MSRA: variants seen among roughly 807,000 people sequenced by gnomAD.
MSRA encodes the protein methionine sulfoxide reductase A.
In MSRA, 54 loss-of-function variants were observed where a neutral mutation model predicts 31.3. That is an observed-to-expected ratio of 1.73 (90% CI 1.39 to 2.17). The LOEUF (loss-of-function observed/expected upper bound fraction) is 2.17. Among genes scored for constraint, MSRA ranks in the 30% most tolerant of loss-of-function variants. MSRA has a pLI of 0.00. For missense variants in MSRA, 507 were observed against 300.9 expected (o/e 1.69, Z -5.07); for synonymous variants, 169 against 116.5 (o/e 1.45, Z -2.90).
chr8:10,336,625 C>T (rs1803062780), intron 5 of MSRA, among the ~76,000 whole-genome samples: 1 of 152,044 alleles, frequency 6.6e-6, no homozygotes, highest in Non-Finnish European at 1.5e-5. Flanking sequence ...CATGAGTAGC[C>T]CTTACTGAGA....
rs534751486 is a variant in MSRA at position 10,401,176 on chromosome 8, A to T, written c.544-26972A>T. Among the ~76,000 whole-genome samples the T allele has an allele frequency of 2.6e-5, 4 of 152,248 alleles. No homozygotes were observed. The South Asian group carries it at 8.3e-4, about 31-fold the overall frequency. On this transcript the variant is annotated intron_variant, in intron 5 of 5. Transcript: ENST00000317173. ...TATCTGATAAGGGATTAATGTCCAG[A>T]AAATATTTTTAAAACCCATACAACT...
At chr8:10,251,293 C>G (rs981036493) in intron 3 of MSRA, among the ~76,000 whole-genome samples, 3 of 151,994 alleles carry the variant, frequency 2.0e-5, no homozygotes, top group African/African-American at 7.2e-5. Flanking sequence ...TGAATGATCC[C>G]ATTCTTCAGA....
chr8:10,060,863 A>G (rs1802676811), intron 1 of MSRA, among the ~76,000 whole-genome samples: 1 of 152,180 alleles, frequency 6.6e-6, no homozygotes, highest in Admixed American at 6.5e-5. Flanking sequence ...TTTGAGGACA[A>G]ATTCCTTCCA....
chr8:10,302,747 C>A lies in MSRA; in HGVS notation c.436+1109C>A, dbSNP rs368773094. Among the ~76,000 whole-genome samples the A allele has an allele frequency of 2.0e-3, 311 of 152,156 alleles. 1 individual carries two copies. The highest frequency in any genetic ancestry group is 7.1e-3 in the African/African-American group (295 of 41,512). ...GCAGATGGCGGCCTAGAGGTCTGGGCCTAGGAAGGAGGCCGGGGGCACGAT... is the reference window on the plus strand; with the variant it reads ...GCAGATGGCGGCCTAGAGGTCTGGGACTAGGAAGGAGGCCGGGGGCACGAT... On this transcript the variant is annotated intron_variant, in intron 4 of 5. Transcript: ENST00000317173.
At chr8:10,394,211 T>G (rs1470895969) in intron 5 of MSRA, among the ~76,000 whole-genome samples, 1 of 152,224 alleles carries the variant, frequency 6.6e-6, no homozygotes, top group African/African-American at 2.4e-5. Flanking sequence ...TTCAATGTTT[T>G]TATTGTAGCG....
At chr8:10,072,758 C>T (rs764363805) in intron 1 of MSRA, among the ~76,000 whole-genome samples, 3 of 152,170 alleles carry the variant, frequency 2.0e-5, no homozygotes, top group African/African-American at 7.2e-5. Context: ...ATTTAAGTTG[C>T]CTTCAACTTC....
intron 5 of MSRA, among the ~76,000 whole-genome samples, chr8:10,325,860 A>G (rs1305669683): frequency 1.3e-5 from 2 of 152,216 alleles, no homozygotes; most frequent in Non-Finnish European, 2.9e-5. Flanking sequence ...ATCTAGGGTA[A>G]GCTTGAACAA....
intron 5 of MSRA, among the ~76,000 whole-genome samples, chr8:10,327,054 C>T (rs1157615995): frequency 6.6e-6 from 1 of 152,164 alleles, no homozygotes; most frequent in Admixed American, 6.5e-5. Context: ...TTCAAGAAAG[C>T]ACAATGCTTT....
intron 1 of MSRA, among the ~76,000 whole-genome samples, chr8:10,172,117 G>C (rs1467306737): frequency 6.6e-6 from 1 of 152,218 alleles, no homozygotes. Context: ...GGAATGGCAG[G>C]GTGGCAGAAC....
At chr8:10,095,445 T>G in intron 1 of MSRA, 1 of 984,564 alleles carries the variant, frequency 1.0e-6, no homozygotes, top group African/African-American at 1.7e-5. Context: ...TTCAAATGTA[T>G]TAATTGATCC....
intron 5 of MSRA, among the ~76,000 whole-genome samples, chr8:10,369,578 G>T (rs188161007): frequency 1.3e-5 from 2 of 152,254 alleles, no homozygotes; most frequent in East Asian, 1.9e-4. Flanking sequence ...TCCCATCAGA[G>T]ATTAAGAAAA....
At chr8:10,083,847 A>T (rs1798413050) in intron 1 of MSRA, among the ~76,000 whole-genome samples, 1 of 152,190 alleles carries the variant, frequency 6.6e-6, no homozygotes. Context: ...TAGCATTTAA[A>T]TGTATTGCTT....
At chr8:10,394,150 C>T (rs764490112) in intron 5 of MSRA, among the ~76,000 whole-genome samples, 3 of 152,194 alleles carry the variant, frequency 2.0e-5, no homozygotes, top group Non-Finnish European at 2.9e-5. Flanking sequence ...CTTCGACGTC[C>T]TCATTGTGAT....
At chr8:10,113,314 TGGAGGTG>T (rs1563109881) in intron 1 of MSRA, among the ~76,000 whole-genome samples, 164 of 125,040 alleles carry the variant, frequency 1.3e-3, no homozygotes, top group African/African-American at 2.5e-3. Context: ...TTTTTTTTTT[TGGAGGTG>T]TGTGTTTAAA....
At position 10,101,486 on chromosome 8, in the gene MSRA, C is replaced by G. The variant is rs570223379; in HGVS notation, c.142+46828C>G. The stretch of plus-strand genomic sequence containing the variant: ...CATCAAGCCACAGAAGTCTTTTCAT[C>G]TTGCAAAACCAAAATTCTGTACCCA... On this transcript the variant is annotated intron_variant, in intron 1 of 5. Coordinates refer to ENST00000317173, the MANE Select transcript of MSRA (RefSeq NM_012331.5). Among the ~76,000 whole-genome samples, 8 of 152,226 alleles carry G rather than the reference C, an allele frequency of 5.3e-5. No homozygotes were observed. The South Asian group carries it at 1.4e-3, about 28-fold the overall frequency.
At position 10,356,898 on chromosome 8, in the gene MSRA, A is replaced by G. The variant is rs562830982; in HGVS notation, c.543+36909A>G. Among the ~76,000 whole-genome samples, 202 of 127,416 alleles carry G rather than the reference A, an allele frequency of 1.6e-3. 1 individual carries two copies. The highest frequency in any genetic ancestry group is 5.4e-3 in the African/African-American group (195 of 35,984). 83.6% of individuals were successfully genotyped at this position (127,416 alleles called of 152,430 possible). On this transcript the variant is annotated intron_variant, in intron 5 of 5. Transcript: ENST00000317173. Reference sequence around the variant, plus strand: ...TTTGAGCCTTGCCCATTAAAAAAAAAAAAAAAAAAAAATATATGTGTCTTT... The same window carrying G: ...TTTGAGCCTTGCCCATTAAAAAAAAGAAAAAAAAAAAATATATGTGTCTTT...
chr8:10,280,321 A>G (rs1799552190), intron 3 of MSRA, among the ~76,000 whole-genome samples: 1 of 151,446 alleles, frequency 6.6e-6, no homozygotes, highest in African/African-American at 2.4e-5. Context: ...TTCTCTTTTT[A>G]ACTTATTTTG....
chr8:10,184,811 C>T (rs1291234548), intron 1 of MSRA, among the ~76,000 whole-genome samples: 3 of 152,268 alleles, frequency 2.0e-5, no homozygotes, highest in South Asian at 2.1e-4. Context: ...CAACTGTATG[C>T]AACCAGGATT....
At chr8:10,220,294 A>G (rs1226079373) in intron 2 of MSRA, among the ~76,000 whole-genome samples, 1 of 152,214 alleles carries the variant, frequency 6.6e-6, no homozygotes, top group South Asian at 2.1e-4. Flanking sequence ...GTGCCTGCAG[A>G]TGGATGTCTT....
Sources: gnomAD v4.1 joint callset for allele counts (sites outside exome capture counted in the v4.1 genomes callset) on GRCh38, gnomAD v4.1.1 for gene constraint, MANE v1.5 for transcripts, NCBI Gene and HGNC (gene_info 2026-07-23, HGNC 2026-07-21) for gene names.